Variants in RAB8B observed in about 807,000 individuals in gnomAD.
RAB8B encodes RAB8B, member RAS oncogene family, also known as ras-related protein Rab-8B.
Under a neutral mutation model 32.0 loss-of-function variants are expected in RAB8B, and 11 were observed. The observed-to-expected ratio is 0.34, with a 90% CI of 0.22 to 0.57. RAB8B has a LOEUF of 0.57. Ranked by LOEUF, RAB8B falls within the 20% of genes least tolerant of loss-of-function variation. The pLI is 0.86. For synonymous variants in RAB8B, 103 were observed against 89.6 expected, an observed-to-expected ratio of 1.15 and a Z score of -0.85; for missense variants, 190 against 258.5, an observed-to-expected ratio of 0.73 and a Z score of 1.82.
chr15:63,252,693 A>G (rs1488454951), intron 3 of RAB8B, among the ~76,000 whole-genome samples: 1 of 152,090 alleles, frequency 6.6e-6, no homozygotes, highest in Non-Finnish European at 1.5e-5. Flanking sequence ...TAAAATATAC[A>G]TAATAGAACA....
At position 63,248,094 on chromosome 15, in the gene RAB8B, C is replaced by T. The variant is rs116983738; in HGVS notation, c.186-1551C>T. Among the ~76,000 whole-genome samples the T allele has an allele frequency of 2.0e-4, 31 of 152,300 alleles. No individual in the cohort carries two copies. The highest frequency in any genetic ancestry group is 3.8e-4 in the East Asian group (2 of 5,196). ...CTTCCATTTCCCCATGATTTGTTAG[C>T]GGTGCAGCAAACAAGTGCCCCATGC... On this transcript the variant is annotated intron_variant, in intron 2 of 7. Transcript: ENST00000321437. The surrounding 1 kb of genome is among the most constrained non-coding windows in gnomAD (Gnocchi z 4.4).
intron 1 of RAB8B, among the ~76,000 whole-genome samples, chr15:63,207,230 A>T (rs1418971173): frequency 6.6e-6 from 1 of 152,182 alleles, no homozygotes; most frequent in Non-Finnish European, 1.5e-5. Flanking sequence ...AAACTCCGCG[A>T]GTGCACATAT....
chr15:63,220,795 A>G (rs2037838076), intron 1 of RAB8B, among the ~76,000 whole-genome samples: 2 of 152,174 alleles, frequency 1.3e-5, no homozygotes, highest in Non-Finnish European at 1.5e-5. Flanking sequence ...GAGGTTCCAA[A>G]TGAAGTACTG....
Position 63,266,582 on chromosome 15 carries a change from A to G in RAB8B, c.*2963A>G, listed in dbSNP as rs1430033175. The G allele has an allele frequency of 1.3e-5, 2 of 152,638 alleles. No homozygotes were observed. Among genetic ancestry groups the G allele is most frequent in the Non-Finnish European group, 2.9e-5 (2 of 68,016 alleles). The allele number at this position is 152,638 out of a possible 1,614,324, so 9.5% of individuals were successfully genotyped here. On this transcript the variant is annotated 3_prime_UTR_variant, in exon 8 of 8. Transcript: ENST00000321437. Reference sequence around the variant, plus strand: ...ATACCTGGTAGAAAAACAGTGAGCCAGCCTTTAAGCATCTAACAAAATTTA... The same window carrying G: ...ATACCTGGTAGAAAAACAGTGAGCCGGCCTTTAAGCATCTAACAAAATTTA...
chr15:63,265,416 T>C lies in RAB8B; in HGVS notation c.*1797T>C, dbSNP rs2038238750. 3 of 152,032 alleles carry C rather than the reference T, an allele frequency of 2.0e-5. No homozygotes were observed. In the South Asian group the frequency reaches 6.2e-4, roughly 32 times the overall value. 9.4% of individuals were successfully genotyped at this position (152,032 alleles called of 1,614,324 possible). ...TAATTACCTATAGGCTTAAAAGTCA[T>C]TCGTTGCTGTTCTAGTATAATTAGT... On this transcript the variant is annotated 3_prime_UTR_variant, in exon 8 of 8. Coordinates refer to ENST00000321437, the MANE Select transcript of RAB8B (RefSeq NM_016530.3). The surrounding 1 kb of genome is among the most constrained non-coding windows in gnomAD (Gnocchi z 4.9).
chr15:63,237,221 A>T (rs1023401647), intron 1 of RAB8B, among the ~76,000 whole-genome samples: 1 of 152,140 alleles, frequency 6.6e-6, no homozygotes, highest in Admixed American at 6.5e-5. Flanking sequence ...GAGTGCAGTT[A>T]TTTCTTTGAC....
chr15:63,199,345 T>C (rs1024676617), intron 1 of RAB8B, among the ~76,000 whole-genome samples: 12 of 152,238 alleles, frequency 7.9e-5, no homozygotes, highest in African/African-American at 2.9e-4. Context: ...TCGATTTTTC[T>C]CTTACATTGT....
chr15:63,264,719 G>A lies in RAB8B; in HGVS notation c.*1100G>A, dbSNP rs1202520597. The A allele has an allele frequency of 6.6e-6, 1 of 152,126 alleles. No homozygotes were observed. Among genetic ancestry groups the A allele is most frequent in the Non-Finnish European group, 1.5e-5 (1 of 68,030 alleles). 9.4% of individuals were successfully genotyped at this position (152,126 alleles called of 1,614,324 possible). A position where few individuals can be genotyped will look rare whatever the true frequency, so the allele number is the denominator to read the frequency against. On this transcript the variant is annotated 3_prime_UTR_variant, in exon 8 of 8. Coordinates refer to ENST00000321437, the MANE Select transcript of RAB8B (RefSeq NM_016530.3). ...GGTAATGGTGAAAATAATGAGTTTT[G>A]GTTGGTTTTATTTGGCAGATGTTTT...
intron 6 of RAB8B, among the ~76,000 whole-genome samples, chr15:63,260,700 G>A (rs2038196403): frequency 6.6e-6 from 1 of 151,548 alleles, no homozygotes; most frequent in African/African-American, 2.4e-5. Flanking sequence ...AAAATAATAG[G>A]TTTTCTTCAC....
Position 63,189,679 on chromosome 15 carries a change from G to A in RAB8B, c.55G>A (p.Val19Ile), listed in dbSNP as rs755334952. 1.2e-6 allele frequency: 2 copies of A among 1,613,826 alleles called. No homozygotes were observed. The highest frequency in any genetic ancestry group is 2.7e-5 in the African/African-American group (2 of 74,918). Residue 19 changes from valine to isoleucine, a missense_variant, in exon 1 of 8, where the codon GTA (valine) becomes ATA (isoleucine). Val to Ile is a conservative substitution (Grantham distance 29). Transcript: ENST00000321437. ...GCTCCTGCTGATCGGCGACTCGGGG[G>A]TAGGCAAGACCTGCCTCCTGTTCCG... ...FKLLLIGDSG[V>I]GKTCLLFRFS... is the part of the protein sequence containing the mutation.
intron 1 of RAB8B, among the ~76,000 whole-genome samples, chr15:63,220,322 G>C (rs2037833713): frequency 6.6e-6 from 1 of 152,082 alleles, no homozygotes; most frequent in South Asian, 2.1e-4. Context: ...TGTATGCTTA[G>C]TACTGTTTTG....
chr15:63,219,385 G>A (rs1270520659), intron 1 of RAB8B, among the ~76,000 whole-genome samples: 4 of 150,906 alleles, frequency 2.7e-5, no homozygotes, highest in Non-Finnish European at 5.9e-5. Flanking sequence ...TTAAGCCAAT[G>A]TTTTCAATAT....
intron 5 of RAB8B, among the ~76,000 whole-genome samples, chr15:63,258,086 TA>T (rs1451383353): frequency 4.0e-5 from 6 of 150,170 alleles, no homozygotes; most frequent in African/African-American, 1.5e-4. Context: ...AAAAAGTAAT[TA>T]AAAGTAAGTA....
chr15:63,265,332 A>G lies in RAB8B; in HGVS notation c.*1713A>G, dbSNP rs962935278. 6.6e-6 allele frequency: 1 copy of G among 152,152 alleles called. No homozygotes were observed. The highest frequency in any genetic ancestry group is 1.5e-5 in the Non-Finnish European group (1 of 68,006). 9.4% of individuals were successfully genotyped at this position (152,152 alleles called of 1,614,324 possible). A position where few individuals can be genotyped will look rare whatever the true frequency, so the allele number is the denominator to read the frequency against. Reference sequence around the variant, plus strand: ...TGCAAATATGCCCAAGCTATTTTTAATAGATATACTAAACTTATTGTTGAC... The same window carrying G: ...TGCAAATATGCCCAAGCTATTTTTAGTAGATATACTAAACTTATTGTTGAC... On this transcript the variant is annotated 3_prime_UTR_variant, in exon 8 of 8. Transcript: ENST00000321437. The surrounding 1 kb of genome is among the most constrained non-coding windows in gnomAD (Gnocchi z 4.9).
Position 63,265,950 on chromosome 15 carries a change from A to G in RAB8B, c.*2331A>G, listed in dbSNP as rs946245380. 6 of 152,588 alleles carry G rather than the reference A, an allele frequency of 3.9e-5. No individual in the cohort carries two copies. Among genetic ancestry groups the G allele is most frequent in the African/African-American group, 1.4e-4 (6 of 41,466 alleles). The allele number at this position is 152,588 out of a possible 1,614,324, so 9.5% of individuals were successfully genotyped here. On this transcript the variant is annotated 3_prime_UTR_variant, in exon 8 of 8. Transcript: ENST00000321437. This position sits in a 1 kb window ranked among gnomAD's most constrained non-coding sequence, Gnocchi z 4.9. ...TAAATTGTCCTTGCTATTTTCTTAC[A>G]TTTAGCTTTGCTAGATTGTATATAC...
chr15:63,221,120 A>C (rs1292385125), intron 1 of RAB8B, among the ~76,000 whole-genome samples: 1 of 152,190 alleles, frequency 6.6e-6, no homozygotes, highest in Non-Finnish European at 1.5e-5. Context: ...AGGATGGAGA[A>C]TGTTCCAGAC....
intron 5 of RAB8B, among the ~76,000 whole-genome samples, chr15:63,258,204 C>T (rs1289024820): frequency 1.3e-5 from 2 of 151,698 alleles, no homozygotes; most frequent in African/African-American, 2.4e-5. Context: ...CTGGTTCAAG[C>T]GATTCTCCTG....
chr15:63,241,716 G>A (rs2141134460), intron 1 of RAB8B, among the ~76,000 whole-genome samples: 1 of 152,252 alleles, frequency 6.6e-6, no homozygotes, highest in Non-Finnish European at 1.5e-5. Context: ...GAAGAAACAT[G>A]TATTGAGTAC....
At chr15:63,222,662 C>T (rs2037854466) in intron 1 of RAB8B, among the ~76,000 whole-genome samples, 1 of 152,140 alleles carries the variant, frequency 6.6e-6, no homozygotes, top group Admixed American at 6.5e-5. Context: ...CTCAGCCTCC[C>T]GAGTAACTGG....
Sources: allele counts gnomAD v4.1 joint callset (sites outside exome capture counted in the v4.1 genomes callset), GRCh38; gene constraint gnomAD v4.1.1; non-coding constraint Gnocchi (gnomAD v3.1); transcripts MANE v1.5; gene names NCBI Gene and HGNC (gene_info 2026-07-23, HGNC 2026-07-21).